UPK1B: variants seen among roughly 807,000 people sequenced by gnomAD.
UPK1B encodes uroplakin 1B.
In UPK1B, 28 loss-of-function variants were observed where a neutral mutation model predicts 34.2. The ratio of observed to expected loss-of-function variants is 0.82; its 90% CI spans 0.61 to 1.12. UPK1B has a LOEUF of 1.12. Ranked by LOEUF, UPK1B falls within the 50% of genes most tolerant of loss-of-function variation. The pLI is 0.00. For missense variants in UPK1B, 325 were observed against 320.9 expected (o/e 1.01, Z -0.10); for synonymous variants, 81 against 110.4 (o/e 0.73, Z 1.67).
chr3:119,185,434 A>G (rs3806695), intron 1 of UPK1B, among the ~76,000 whole-genome samples: 33,624 of 151,588 alleles, frequency 0.22, 4,032 homozygotes, highest in Middle Eastern at 0.35. Flanking sequence ...TTCTGTCTCT[A>G]CTCCCTAACT....
Position 119,179,606 on chromosome 3 carries a change from T to C in UPK1B, c.-29+5968T>C, listed in dbSNP as rs181434256. On this transcript the variant is annotated intron_variant, in intron 1 of 7. Coordinates refer to ENST00000264234, the MANE Select transcript of UPK1B (RefSeq NM_006952.4). Reference sequence around the variant, plus strand: ...CTCACTGCAAGCTCGGCCTCCCGGGTTCACGCCATTCTCCTGCCTCAGCCT... The same window carrying C: ...CTCACTGCAAGCTCGGCCTCCCGGGCTCACGCCATTCTCCTGCCTCAGCCT... Among the ~76,000 whole-genome samples the C allele has an allele frequency of 2.2e-5, 3 of 137,778 alleles. No homozygotes were observed. In the Admixed American group the frequency reaches 2.3e-4, roughly 11 times the overall value. The allele number at this position is 137,778 out of a possible 152,430, so 90.4% of individuals were successfully genotyped here. A position where few individuals can be genotyped will look rare whatever the true frequency, so the allele number is the denominator to read the frequency against.
chr3:119,186,113 C>T (rs773483490), intron 1 of UPK1B, among the ~76,000 whole-genome samples: 3 of 152,172 alleles, frequency 2.0e-5, no homozygotes, highest in Admixed American at 6.5e-5. Flanking sequence ...GAATTAGATG[C>T]GTGCATGCAA....
chr3:119,181,090 C>T (rs6766922), intron 1 of UPK1B, among the ~76,000 whole-genome samples: 45,107 of 151,950 alleles, frequency 0.3, 6,878 homozygotes, highest in East Asian at 0.43. Flanking sequence ...AGTAATTTGC[C>T]TATTTCTTTC....
chr3:119,202,375 A>G (rs1368288003), intron 7 of UPK1B, among the ~76,000 whole-genome samples: 1 of 152,226 alleles, frequency 6.6e-6, no homozygotes, highest in East Asian at 1.9e-4. Context: ...GACCTTGGGT[A>G]AGTTACTTCT....
chr3:119,187,088 C>T (rs922547807), intron 2 of UPK1B, among the ~76,000 whole-genome samples: 1 of 152,312 alleles, frequency 6.6e-6, no homozygotes, highest in African/African-American at 2.4e-5. Context: ...ACTCTGACTA[C>T]GAACACACTT....
At chr3:119,179,062 C>T (rs1356115950) in intron 1 of UPK1B, among the ~76,000 whole-genome samples, 3 of 151,508 alleles carry the variant, frequency 2.0e-5, no homozygotes. Flanking sequence ...AGAGAGGCAA[C>T]GTATGGTGGC....
At chr3:119,200,365 T>G (rs2078085876) in intron 7 of UPK1B, among the ~76,000 whole-genome samples, 1 of 152,238 alleles carries the variant, frequency 6.6e-6, no homozygotes, top group African/African-American at 2.4e-5. Context: ...AAGTAGTAGC[T>G]TCTTAAAGAT....
chr3:119,200,323 G>T (rs112482076), intron 7 of UPK1B, among the ~76,000 whole-genome samples: 13 of 152,274 alleles, frequency 8.5e-5, no homozygotes, highest in Non-Finnish European at 1.5e-5. Context: ...AAAACACTGG[G>T]ATTATGGCCA....
intron 6 of UPK1B, among the ~76,000 whole-genome samples, chr3:119,198,275 A>G (rs933322943): frequency 1.3e-5 from 2 of 152,204 alleles, no homozygotes; most frequent in African/African-American, 4.8e-5. Flanking sequence ...GCAGAGCCGC[A>G]TGGTCCATGG....
chr3:119,178,571 T>C (rs1013212890), intron 1 of UPK1B, among the ~76,000 whole-genome samples: 3 of 152,336 alleles, frequency 2.0e-5, no homozygotes, highest in African/African-American at 7.2e-5. Context: ...TTTGGTCTAC[T>C]AAATTTAAAA....
At chr3:119,176,004 A>G (rs1037735231) in intron 1 of UPK1B, 9 of 152,186 alleles carry the variant, frequency 5.9e-5, no homozygotes, top group Admixed American at 3.3e-4. Context: ...CCAGGGACTT[A>G]TCCTACCTTA....
intron 1 of UPK1B, among the ~76,000 whole-genome samples, chr3:119,183,563 C>T (rs2077999440): frequency 6.6e-6 from 1 of 152,110 alleles, no homozygotes; most frequent in African/African-American, 2.4e-5. Flanking sequence ...TGCCCGGCCC[C>T]TTTTCTTTAT....
chr3:119,190,215 AT>A, intron 3 of UPK1B, 29 bp from the exon 4 acceptor site: 1 of 1,526,420 alleles, frequency 6.6e-7, no homozygotes, highest in Non-Finnish European at 9.0e-7. Context: ...GGTAAATGTA[AT>A]TCTTTTATCT....
At chr3:119,202,998 G>A (rs2078099157) in intron 7 of UPK1B, among the ~76,000 whole-genome samples, 1 of 152,070 alleles carries the variant, frequency 6.6e-6, no homozygotes, top group Non-Finnish European at 1.5e-5. Flanking sequence ...GGATGGATTT[G>A]GTGTCACATC....
In UPK1B at chr3:119,196,987, A is replaced by G. The variant is rs553951171; in HGVS notation, c.649-2070A>G. On this transcript the variant is annotated intron_variant, in intron 6 of 7. Transcript: ENST00000264234. ...CTCAGCCTCCCAACTAACTACAGGC[A>G]TGTACCACCAGGCCTGGCTAATTTT... Among the ~76,000 whole-genome samples the G allele has an allele frequency of 2.0e-5, 3 of 151,430 alleles. No homozygotes were observed. In the South Asian group the frequency reaches 6.3e-4, roughly 32 times the overall value.
At chr3:119,193,124 C>T (rs987962605) in intron 5 of UPK1B, among the ~76,000 whole-genome samples, 19 of 152,208 alleles carry the variant, frequency 1.2e-4, no homozygotes, top group African/African-American at 4.6e-4. Flanking sequence ...TGACTACTCC[C>T]GCTTAGTCTC....
rs993214474 is a variant in UPK1B at position 119,205,118 on chromosome 3, A to G, written c.*1151A>G. On this transcript the variant is annotated 3_prime_UTR_variant, in exon 8 of 8. Coordinates refer to ENST00000264234, the MANE Select transcript of UPK1B (RefSeq NM_006952.4). ...TATAACTCAACATTTGTCTGGTCTT[A>G]TAAGTAAAGACAGCTTTAAAATCTG... The G allele has an allele frequency of 6.6e-6, 1 of 152,252 alleles. No individual in the cohort carries two copies. The highest frequency in any genetic ancestry group is 6.5e-5 in the Admixed American group (1 of 15,292). 9.4% of individuals were successfully genotyped at this position (152,252 alleles called of 1,614,324 possible).
Position 119,186,722 on chromosome 3 carries a change from G to T in UPK1B, c.-20G>T, listed in dbSNP as rs369309060. 10 of 1,613,860 alleles carry T rather than the reference G, an allele frequency of 6.2e-6. No homozygotes were observed. The highest frequency in any genetic ancestry group is 5.9e-6 in the Non-Finnish European group (7 of 1,179,908). The stretch of plus-strand genomic sequence containing the variant: ...GGTAATGCTTTCAACAGTGCCTTCA[G>T]CTTGTGGGAAATCCCGAAGATGGCC... On this transcript the variant is annotated 5_prime_UTR_variant, in exon 2 of 8. Coordinates refer to ENST00000264234, the MANE Select transcript of UPK1B (RefSeq NM_006952.4).
intron 1 of UPK1B, among the ~76,000 whole-genome samples, chr3:119,179,391 ATATATAT>A (rs1361608451): frequency 3.2e-5 from 3 of 93,168 alleles, no homozygotes; most frequent in African/African-American, 5.0e-5. Context: ...ATATATATAT[ATATATAT>A]TAATTCTAAG....
Sources: gnomAD v4.1 joint callset for allele counts (sites outside exome capture counted in the v4.1 genomes callset) on GRCh38, gnomAD v4.1.1 for gene constraint, MANE v1.5 for transcripts, NCBI Gene and HGNC (gene_info 2026-07-23, HGNC 2026-07-21) for gene names.